Variants in GALNT17 observed in about 807,000 individuals in gnomAD.
GALNT17 encodes the protein UDP-GalNAc:polypeptide N-acetylgalactosaminyltransferase-like 3.
In GALNT17, 29 loss-of-function variants were observed where a neutral mutation model predicts 63.7. The observed-to-expected ratio is 0.46, with a 90% CI of 0.34 to 0.62. The LOEUF (loss-of-function observed/expected upper bound fraction) is 0.62, where lower values mean the gene tolerates loss of function less well. Ranked by LOEUF, GALNT17 falls within the 20% of genes least tolerant of loss-of-function variation. The pLI, the probability that GALNT17 is intolerant of heterozygous loss-of-function variation, is 0.01. For synonymous variants in GALNT17, 305 were observed against 318.3 expected, an observed-to-expected ratio of 0.96 and a Z score of 0.45; for missense variants, 603 against 799.6, an observed-to-expected ratio of 0.75 and a Z score of 2.97.
At chr7:71,289,602 G>A (rs771484213) in intron 1 of GALNT17, among the ~76,000 whole-genome samples, 13 of 151,062 alleles carry the variant, frequency 8.6e-5, no homozygotes, top group East Asian at 3.9e-4. Context: ...CAGATGGACC[G>A]GGTGCAACGG....
intron 5 of GALNT17, among the ~76,000 whole-genome samples, chr7:71,560,980 A>T (rs1376666934): frequency 6.6e-6 from 1 of 152,158 alleles, no homozygotes; most frequent in Non-Finnish European, 1.5e-5. Flanking sequence ...ACCGTTGCTG[A>T]TGTAACAAAA....
chr7:71,521,188 C>T (rs2116751401), intron 5 of GALNT17, among the ~76,000 whole-genome samples: 1 of 151,908 alleles, frequency 6.6e-6, no homozygotes, highest in East Asian at 1.9e-4. Context: ...TTCTTTGTAG[C>T]TCAGAAGGGC....
chr7:71,662,666 G>A (rs1368785957), intron 6 of GALNT17, among the ~76,000 whole-genome samples: 2 of 152,270 alleles, frequency 1.3e-5, no homozygotes, highest in East Asian at 3.9e-4. Context: ...TGCTTAGCAT[G>A]CTTTCCAGGT....
At chr7:71,600,111 GA>G (rs1186208538) in intron 6 of GALNT17, among the ~76,000 whole-genome samples, 2 of 152,016 alleles carry the variant, frequency 1.3e-5, no homozygotes, top group African/African-American at 4.8e-5. Context: ...CAAGGAGATA[GA>G]ACATTAGTTT....
chr7:71,695,153 G>A (rs1387879560), intron 9 of GALNT17, among the ~76,000 whole-genome samples: 5 of 152,110 alleles, frequency 3.3e-5, no homozygotes, highest in Non-Finnish European at 7.4e-5. Flanking sequence ...CTCTCACCCA[G>A]CTCTTCCAGC....
At chr7:71,628,021 G>A (rs1372729805) in intron 6 of GALNT17, among the ~76,000 whole-genome samples, 5 of 151,822 alleles carry the variant, frequency 3.3e-5, no homozygotes, top group Admixed American at 6.6e-5. Flanking sequence ...GATATACAGC[G>A]CATCTGTGGT....
intron 8 of GALNT17, among the ~76,000 whole-genome samples, chr7:71,672,348 A>G (rs1057218600): frequency 6.6e-6 from 1 of 152,196 alleles, no homozygotes; most frequent in African/African-American, 2.4e-5. Flanking sequence ...GGAAATAGTG[A>G]TGAATCTGAT....
intron 1 of GALNT17, among the ~76,000 whole-genome samples, chr7:71,148,441 G>C (rs1300079559): frequency 6.6e-6 from 1 of 152,156 alleles, no homozygotes; most frequent in Non-Finnish European, 1.5e-5. Context: ...CCAGGACATA[G>C]TCTGATGACC....
At chr7:71,699,633 G>A (rs563808808) in intron 9 of GALNT17, among the ~76,000 whole-genome samples, 26 of 152,160 alleles carry the variant, frequency 1.7e-4, no homozygotes, top group Non-Finnish European at 3.7e-4. Context: ...ATCAAAATGC[G>A]TTATTAAAGA....
chr7:71,288,644 T>G (rs1389149309), intron 1 of GALNT17, among the ~76,000 whole-genome samples: 1 of 152,158 alleles, frequency 6.6e-6, no homozygotes, highest in Non-Finnish European at 1.5e-5. Context: ...CCAATGTCAG[T>G]GCAGTGACCT....
At chr7:71,528,630 G>A (rs1202615757) in intron 5 of GALNT17, among the ~76,000 whole-genome samples, 1 of 152,170 alleles carries the variant, frequency 6.6e-6, no homozygotes, top group Non-Finnish European at 1.5e-5. Flanking sequence ...TGAAGATCTT[G>A]TTTGAATGTG....
chr7:71,686,125 T>A (rs996095419), intron 9 of GALNT17, among the ~76,000 whole-genome samples: 10 of 151,622 alleles, frequency 6.6e-5, no homozygotes, highest in African/African-American at 2.4e-4. Flanking sequence ...TGGTTAATTT[T>A]TATATTTTTA....
At chr7:71,600,248 GA>G (rs751929755) in intron 6 of GALNT17, among the ~76,000 whole-genome samples, 435 of 137,402 alleles carry the variant, frequency 3.2e-3, no homozygotes, top group Middle Eastern at 0.019. Context: ...ATTAGGGAAG[GA>G]AAAAAAAAAA....
chr7:71,648,100 G>T (rs1040817917), intron 6 of GALNT17, among the ~76,000 whole-genome samples: 4 of 152,132 alleles, frequency 2.6e-5, no homozygotes, highest in Non-Finnish European at 5.9e-5. Flanking sequence ...TGGTGGCACC[G>T]CTACCACTCA....
intron 3 of GALNT17, among the ~76,000 whole-genome samples, chr7:71,397,941 TTTG>T (rs111851668): frequency 0.24 from 35,509 of 150,632 alleles, 4,593 homozygotes; most frequent in African/African-American, 0.35. Flanking sequence ...CATTATTGTC[TTTG>T]TTGTTGTTGT....
chr7:71,218,103 A>C (rs1789519054), intron 1 of GALNT17, among the ~76,000 whole-genome samples: 2 of 152,166 alleles, frequency 1.3e-5, no homozygotes, highest in African/African-American at 4.8e-5. Flanking sequence ...ATGGCTTTTA[A>C]AAATGGTAGG....
chr7:71,407,820 C>G (rs955499253), intron 3 of GALNT17, among the ~76,000 whole-genome samples: 7 of 151,990 alleles, frequency 4.6e-5, no homozygotes, highest in African/African-American at 1.7e-4. Context: ...CATAAAAGAC[C>G]ACATATTTTA....
intron 1 of GALNT17, among the ~76,000 whole-genome samples, chr7:71,221,916 T>C (rs1043709077): frequency 4.0e-5 from 6 of 149,100 alleles, no homozygotes; most frequent in African/African-American, 1.5e-4. Context: ...AGATTTTTTT[T>C]TTTTTTTTTT....
At chr7:71,625,189 G>C (rs1790354030) in intron 6 of GALNT17, among the ~76,000 whole-genome samples, 1 of 151,770 alleles carries the variant, frequency 6.6e-6, no homozygotes, top group Non-Finnish European at 1.5e-5. Flanking sequence ...CTGTTGCCCA[G>C]GCTGGAGTGC....
Sources: gnomAD v4.1 joint callset for allele counts (sites outside exome capture counted in the v4.1 genomes callset) on GRCh38, gnomAD v4.1.1 for gene constraint, MANE v1.5 for transcripts, NCBI Gene and HGNC (gene_info 2026-07-23, HGNC 2026-07-21) for gene names.